The following UNC13C variants were observed in gnomAD, a reference collection of about 807,000 sequenced individuals.
The protein encoded by UNC13C is unc-13 homolog C.
UNC13C carries 174 observed loss-of-function variants against 245.4 expected under a neutral mutation model. That is an observed-to-expected ratio of 0.71 (90% CI 0.63 to 0.80). The LOEUF is 0.80. Ranked by LOEUF, UNC13C falls within the 30% of genes least tolerant of loss-of-function variation. The pLI is 0.00. For synonymous variants in UNC13C, 992 were observed against 895.1 expected (o/e 1.11, Z -1.93); for missense variants, 2,829 against 2,602.9 (o/e 1.09, Z -1.89).
chr15:54,390,674 G>T (rs1163734029), intron 17 of UNC13C, among the ~76,000 whole-genome samples: 1 of 151,920 alleles, frequency 6.6e-6, no homozygotes, highest in Non-Finnish European at 1.5e-5. Context: ...CAGTCAATAT[G>T]AATATACTTA....
At chr15:54,393,558 AT>A (rs2040007543) in intron 18 of UNC13C, among the ~76,000 whole-genome samples, 1 of 151,926 alleles carries the variant, frequency 6.6e-6, no homozygotes, top group African/African-American at 2.4e-5. Flanking sequence ...TGGCTTTTTA[AT>A]AATAAAGATT....
At chr15:54,418,121 G>A (rs1318750928) in intron 19 of UNC13C, among the ~76,000 whole-genome samples, 2 of 151,996 alleles carry the variant, frequency 1.3e-5, no homozygotes, top group Non-Finnish European at 2.9e-5. Flanking sequence ...ATTGATATTT[G>A]CACAACAGAA....
At chr15:54,097,991 T>G (rs915537794) in intron 2 of UNC13C, among the ~76,000 whole-genome samples, 24 of 152,188 alleles carry the variant, frequency 1.6e-4, no homozygotes, top group Non-Finnish European at 2.9e-5. Context: ...AGTTTAAATG[T>G]GCACTGACTG....
chr15:54,100,770 C>A (rs7173252), intron 2 of UNC13C, among the ~76,000 whole-genome samples: 3 of 151,814 alleles, frequency 2.0e-5, no homozygotes, highest in Admixed American at 2.0e-4. Context: ...TTTCTACCTG[C>A]TCCATCACTG....
At chr15:53,995,819 A>G (rs1212062732) in intron 1 of UNC13C, among the ~76,000 whole-genome samples, 1 of 152,178 alleles carries the variant, frequency 6.6e-6, no homozygotes, top group African/African-American at 2.4e-5. Context: ...TAAAAGAGAA[A>G]TTTCAGTAGA....
intron 30 of UNC13C, among the ~76,000 whole-genome samples, chr15:54,595,727 T>C (rs1474390741): frequency 1.3e-5 from 2 of 152,210 alleles, no homozygotes; most frequent in Admixed American, 1.3e-4. Context: ...AAGAGTGGTT[T>C]TAGTGATGCA....
intron 1 of UNC13C, among the ~76,000 whole-genome samples, chr15:54,007,797 T>C (rs938266318): frequency 1.3e-5 from 2 of 152,072 alleles, no homozygotes; most frequent in African/African-American, 4.8e-5. Flanking sequence ...GTAATAAGCA[T>C]ATTTCTATAC....
At chr15:54,082,994 G>A (rs1282137440) in intron 2 of UNC13C, among the ~76,000 whole-genome samples, 1 of 152,150 alleles carries the variant, frequency 6.6e-6, no homozygotes, top group African/African-American at 2.4e-5. Context: ...TGTACTAGCA[G>A]TAAGACCCTC....
Position 54,498,697 on chromosome 15 carries a change from C to T in UNC13C, c.5061-1382C>T, listed in dbSNP as rs1589315. Among the ~76,000 whole-genome samples, 763 of 152,088 alleles carry T rather than the reference C, an allele frequency of 5.0e-3. 7 individuals carry two copies. Among genetic ancestry groups the T allele is most frequent in the African/African-American group, 0.016 (678 of 41,512 alleles). On this transcript the variant is annotated intron_variant, in intron 20 of 32. Transcript: ENST00000260323. ...AATCACCACAAATAAATGTGATGAA[C>T]GGCGTACAAGCCATGTTTTCAAGCA... is the stretch of plus-strand genomic sequence containing the variant.
intron 1 of UNC13C, among the ~76,000 whole-genome samples, chr15:53,991,907 T>C (rs77108013): frequency 0.024 from 3,650 of 152,146 alleles, 207 homozygotes; most frequent in East Asian, 0.21. Context: ...AATCTCACAA[T>C]GACCTTACTT....
intron 2 of UNC13C, among the ~76,000 whole-genome samples, chr15:54,110,419 T>C (rs1900710017): frequency 6.6e-6 from 1 of 152,220 alleles, no homozygotes; most frequent in African/African-American, 2.4e-5. Flanking sequence ...ATTCTGTTTG[T>C]TAGGTCAAAT....
chr15:54,001,866 A>T (rs1045896388), intron 1 of UNC13C, among the ~76,000 whole-genome samples: 1 of 152,236 alleles, frequency 6.6e-6, no homozygotes, highest in African/African-American at 2.4e-5. Flanking sequence ...AGGGGATGAT[A>T]GAGCTCAGGT....
the UNC13C span, among the ~76,000 whole-genome samples, chr15:53,942,860 G>A: frequency 2.0e-5 from 3 of 152,154 alleles, no homozygotes; most frequent in Non-Finnish European, 2.9e-5. Flanking sequence ...ACGGGGTTTC[G>A]CCATGTTGCC....
At chr15:53,876,102 T>C in the UNC13C span, among the ~76,000 whole-genome samples, 11 of 152,218 alleles carry the variant, frequency 7.2e-5, no homozygotes, top group African/African-American at 2.7e-4. Context: ...ATTTTTCTTT[T>C]TCTAGTGTGA....
chr15:54,369,196 C>G (rs569301), intron 17 of UNC13C, among the ~76,000 whole-genome samples: 1 of 136,550 alleles, frequency 7.3e-6, no homozygotes, highest in Non-Finnish European at 1.5e-5. Flanking sequence ...TAACCTCCCC[C>G]CCCCAAAAAA....
chr15:54,096,645 T>G (rs1899882076), intron 2 of UNC13C, among the ~76,000 whole-genome samples: 1 of 152,144 alleles, frequency 6.6e-6, no homozygotes, highest in African/African-American at 2.4e-5. Context: ...CAACTTAGAA[T>G]CCACACTAAC....
chr15:54,148,903 A>T (rs1428265724), intron 4 of UNC13C, among the ~76,000 whole-genome samples: 1 of 152,094 alleles, frequency 6.6e-6, no homozygotes, highest in Admixed American at 6.5e-5. Context: ...CAGTGCTTTA[A>T]TCATGGAGGA....
chr15:54,438,267 C>T lies in UNC13C; in HGVS notation c.4933+23200C>T, dbSNP rs76491247. 6.2e-3 allele frequency among the ~76,000 whole-genome samples: 948 copies of T among 151,970 alleles called. 10 individuals carry two copies. Among genetic ancestry groups the T allele is most frequent in the African/African-American group, 0.022 (912 of 41,496 alleles). ...TCCAAACTCAATGGATTCTCTGAAG[C>T]GTGTCTTCTAATGGCTCTGATTCCT... On this transcript the variant is annotated intron_variant, in intron 19 of 32. Transcript: ENST00000260323.
intron 4 of UNC13C, among the ~76,000 whole-genome samples, chr15:54,144,668 A>C (rs1300893983): frequency 3.3e-5 from 5 of 152,152 alleles, no homozygotes; most frequent in Non-Finnish European, 7.4e-5. Context: ...TCCATTTAAC[A>C]ACAAATGCTT....
Sources: allele counts gnomAD v4.1 joint callset (sites outside exome capture counted in the v4.1 genomes callset), GRCh38; gene constraint gnomAD v4.1.1; transcripts MANE v1.5; gene names NCBI Gene and HGNC (gene_info 2026-07-23, HGNC 2026-07-21).